HS6ST2: variants seen among roughly 807,000 people sequenced by gnomAD.
HS6ST2 encodes heparan-sulfate 6-O-sulfotransferase 2.
Under a neutral mutation model 33.0 loss-of-function variants are expected in HS6ST2, and 17 were observed. The observed-to-expected ratio is 0.52, with a 90% CI of 0.35 to 0.77. The LOEUF (loss-of-function observed/expected upper bound fraction) is 0.77. HS6ST2 is among the 30% of genes least tolerant of loss of function. The pLI is 0.01. For synonymous variants in HS6ST2, 248 were observed against 237.1 expected (o/e 1.05, Z -0.42); for missense variants, 519 against 551.7 (o/e 0.94, Z 0.59).
chrX:132,925,564 G>A (rs969120138), intron 2 of HS6ST2, among the ~76,000 whole-genome samples: 2 of 111,657 alleles, frequency 1.8e-5, no homozygotes, highest in African/African-American at 6.5e-5. Context: ...TAGTGTCGGA[G>A]TATTGGTCTC....
intron 1 of HS6ST2, 96 bp downstream of exon 1, chrX:132,958,079 C>A (rs1457985949): frequency 1.6e-5 from 14 of 865,988 alleles, no homozygotes; most frequent in Admixed American, 4.0e-5. Flanking sequence ...TGGAACTTTA[C>A]GCCCTTCTCT....
chrX:132,927,983 G>A (rs2066727466), intron 2 of HS6ST2, among the ~76,000 whole-genome samples: 1 of 111,692 alleles, frequency 9.0e-6, no homozygotes, highest in African/African-American at 3.3e-5. Flanking sequence ...AAGAAACAGA[G>A]TGTTAGCATC....
At position 132,725,119 on chromosome X, in the gene HS6ST2, G is replaced by A. The variant is rs1042465001; in HGVS notation, c.948-16625C>T. 3.6e-5 allele frequency among the ~76,000 whole-genome samples: 4 copies of A among 111,089 alleles called. 1 individual carries two copies. The highest frequency in any genetic ancestry group is 3.8e-4 in the South Asian group (1 of 2,658). ...AGATTTCTTGAGCAATACCCTACAC[G>A]CACAGGCAACCAAAGCAAAATGGAC... On this transcript the variant is annotated intron_variant, in intron 2 of 4. Coordinates refer to ENST00000370833, the MANE Select transcript of HS6ST2 (RefSeq NM_001394073.1).
rs768949000 is a variant in HS6ST2, at chrX:132,820,996, A to T, written c.948-112502T>A. Among the ~76,000 whole-genome samples the T allele has an allele frequency of 1.5e-3, 165 of 110,702 alleles. 1 individual carries two copies. The highest frequency in any genetic ancestry group is 5.0e-3 in the African/African-American group (151 of 30,446). On this transcript the variant is annotated intron_variant, in intron 2 of 4. Coordinates refer to ENST00000370833, the MANE Select transcript of HS6ST2 (RefSeq NM_001394073.1). ...TGGCATCAGTTCCCATTAACAAATT[A>T]GGGTTTATTTATGAAATTCAGATCT...
Position 132,696,146 on chromosome X carries a change from C to T in HS6ST2, c.980+12316G>A, listed in dbSNP as rs146323413. 8.7e-4 allele frequency among the ~76,000 whole-genome samples: 97 copies of T among 111,803 alleles called. 2 individuals carry two copies. The East Asian group carries it at 0.025, about 29-fold the overall frequency. The stretch of plus-strand genomic sequence containing the variant: ...CATGGCAGTATCAAAAGCGATGAGA[C>T]GATTTTGTGGATCTGGCTGCTGCTC... On this transcript the variant is annotated intron_variant, in intron 3 of 4. Coordinates refer to ENST00000370833, the MANE Select transcript of HS6ST2 (RefSeq NM_001394073.1).
intron 2 of HS6ST2, among the ~76,000 whole-genome samples, chrX:132,735,976 A>G (rs2064505556): frequency 9.0e-6 from 1 of 110,912 alleles, no homozygotes; most frequent in Non-Finnish European, 1.9e-5. Context: ...AGTAGCTGGG[A>G]TTACATGCCA....
At chrX:132,669,796 T>C (rs1404326092) in intron 3 of HS6ST2, 2 of 112,765 alleles carry the variant, frequency 1.8e-5, no homozygotes, top group Non-Finnish European at 3.7e-5. Context: ...CCACAGCTTA[T>C]GTCAAACCTT....
intron 3 of HS6ST2, among the ~76,000 whole-genome samples, chrX:132,679,125 A>T (rs1310068750): frequency 8.9e-6 from 1 of 112,452 alleles, no homozygotes; most frequent in East Asian, 2.8e-4. Context: ...ACAGGGCCAT[A>T]GCCACCACGG....
intron 1 of HS6ST2, 66 bp downstream of exon 1, chrX:132,958,109 C>T (rs2067107467): frequency 9.8e-7 from 1 of 1,020,563 alleles, no homozygotes; most frequent in Non-Finnish European, 1.3e-6. Flanking sequence ...GGCTGCCTTC[C>T]CTCCCCGTAC....
At chrX:132,814,790 T>G (rs1422443152) in intron 2 of HS6ST2, among the ~76,000 whole-genome samples, 1 of 112,094 alleles carries the variant, frequency 8.9e-6, no homozygotes, top group Non-Finnish European at 1.9e-5. Context: ...CAAAACCCTA[T>G]GCGATGAACA....
chrX:132,797,495 T>A (rs746298435), intron 2 of HS6ST2, among the ~76,000 whole-genome samples: 8 of 112,271 alleles, frequency 7.1e-5, no homozygotes, highest in African/African-American at 1.9e-4. Flanking sequence ...AATGCCTAAC[T>A]TGTAAACGTA....
intron 2 of HS6ST2, among the ~76,000 whole-genome samples, chrX:132,811,286 G>A (rs898608006): frequency 1.5e-4 from 17 of 110,795 alleles, no homozygotes; most frequent in Admixed American, 1.5e-3. Flanking sequence ...TCTAGGTTAC[G>A]AACAACCCAG....
At chrX:132,790,740 C>T (rs2065113551) in intron 2 of HS6ST2, among the ~76,000 whole-genome samples, 1 of 112,034 alleles carries the variant, frequency 8.9e-6, no homozygotes, top group South Asian at 3.7e-4. Flanking sequence ...ATACGTATCT[C>T]TAAAAGTAGC....
intron 3 of HS6ST2, among the ~76,000 whole-genome samples, chrX:132,702,181 T>C (rs1374187928): frequency 8.9e-6 from 1 of 112,643 alleles, no homozygotes; most frequent in Non-Finnish European, 1.9e-5. Flanking sequence ...CTAATTGTAC[T>C]ACTTTCGAAC....
intron 2 of HS6ST2, among the ~76,000 whole-genome samples, chrX:132,890,484 G>T (rs2066297758): frequency 9.3e-6 from 1 of 107,806 alleles, no homozygotes; most frequent in Admixed American, 9.9e-5. Flanking sequence ...AGCAGGGATG[G>T]GTTTTAAAGG....
intron 4 of HS6ST2, among the ~76,000 whole-genome samples, chrX:132,662,673 T>C (rs2063782348): frequency 8.9e-6 from 1 of 111,992 alleles, no homozygotes; most frequent in Non-Finnish European, 1.9e-5. Flanking sequence ...GGGGGGTGGA[T>C]TTATTATGTC....
chrX:132,866,207 G>A (rs1415677652), intron 2 of HS6ST2, among the ~76,000 whole-genome samples: 1 of 111,694 alleles, frequency 9.0e-6, no homozygotes, highest in Non-Finnish European at 1.9e-5. Flanking sequence ...AGGCTAGCCA[G>A]TTTTCCCAGC....
At chrX:132,849,399 T>G (rs1162667200) in intron 2 of HS6ST2, among the ~76,000 whole-genome samples, 1 of 111,811 alleles carries the variant, frequency 8.9e-6, no homozygotes, top group Non-Finnish European at 1.9e-5. Flanking sequence ...CACAATTACC[T>G]TTTCAAATAA....
intron 2 of HS6ST2, among the ~76,000 whole-genome samples, chrX:132,715,747 A>G (rs746209920): frequency 8.9e-6 from 1 of 112,593 alleles, no homozygotes; most frequent in East Asian, 2.8e-4. Flanking sequence ...TCACAGAGCA[A>G]GGGCTGCAAA....
Sources: gnomAD v4.1 joint callset for allele counts (sites outside exome capture counted in the v4.1 genomes callset) on GRCh38, gnomAD v4.1.1 for gene constraint, MANE v1.5 for transcripts, NCBI Gene and HGNC (gene_info 2026-07-23, HGNC 2026-07-21) for gene names.